CNTN4: variants seen among roughly 807,000 people sequenced by gnomAD.
CNTN4 encodes contactin 4.
In CNTN4, 77 loss-of-function variants were observed where a neutral mutation model predicts 122.5. The observed-to-expected ratio is 0.63, with a 90% CI of 0.52 to 0.76. The LOEUF (loss-of-function observed/expected upper bound fraction) is 0.76. Ranked by LOEUF, CNTN4 falls within the 30% of genes least tolerant of loss-of-function variation. CNTN4 has a pLI of 0.00. For synonymous variants in CNTN4, 512 were observed against 447.0 expected (o/e 1.15, Z -1.83); for missense variants, 1,256 against 1,259.1 (o/e 1.00, Z 0.04).
intron 6 of CNTN4, among the ~76,000 whole-genome samples, chr3:2,783,120 T>G (rs2091673028): frequency 8.3e-6 from 1 of 120,642 alleles, no homozygotes; most frequent in African/African-American, 3.2e-5. Context: ...CTCTACTAAT[T>G]TTTTTTTTTT....
At chr3:2,312,307 C>A (rs538821518) in intron 2 of CNTN4, among the ~76,000 whole-genome samples, 1 of 152,012 alleles carries the variant, frequency 6.6e-6, no homozygotes, top group Non-Finnish European at 1.5e-5. Flanking sequence ...GTGGAGATTT[C>A]AGAAATGTTT....
intron 4 of CNTN4, among the ~76,000 whole-genome samples, chr3:2,685,944 T>TTTTTG (rs1436895644): frequency 6.6e-6 from 1 of 152,172 alleles, no homozygotes; most frequent in Non-Finnish European, 1.5e-5. Context: ...ACTAAACTGA[T>TTTTTG]TTTTGTTTGG....
chr3:2,918,559 C>A (rs1448048097), intron 12 of CNTN4, among the ~76,000 whole-genome samples: 1 of 152,168 alleles, frequency 6.6e-6, no homozygotes, highest in African/African-American at 2.4e-5. Context: ...CTCAACCCAG[C>A]GTTCAGTGAC....
At chr3:2,789,010 T>G (rs2091925055) in intron 6 of CNTN4, among the ~76,000 whole-genome samples, 1 of 152,226 alleles carries the variant, frequency 6.6e-6, no homozygotes, top group Non-Finnish European at 1.5e-5. Context: ...TTCCCCTGTA[T>G]TTTATTTTCT....
chr3:2,294,801 A>G (rs1238400699), intron 2 of CNTN4, among the ~76,000 whole-genome samples: 3 of 152,154 alleles, frequency 2.0e-5, no homozygotes, highest in South Asian at 2.1e-4. Context: ...AGCATTAGGT[A>G]TATCTCCTAA....
At chr3:2,734,553 C>T (rs1436976674) in intron 4 of CNTN4, among the ~76,000 whole-genome samples, 9 of 152,000 alleles carry the variant, frequency 5.9e-5, no homozygotes, top group Non-Finnish European at 1.0e-4. Context: ...ACAACAAGAT[C>T]GTGGGCCGTC....
chr3:2,716,333 T>C (rs976897131), intron 4 of CNTN4, among the ~76,000 whole-genome samples: 13 of 151,214 alleles, frequency 8.6e-5, no homozygotes, highest in Non-Finnish European at 8.8e-5. Context: ...ATGATATATC[T>C]AATATTATTA....
intron 3 of CNTN4, among the ~76,000 whole-genome samples, chr3:2,567,636 A>G (rs2079231391): frequency 6.6e-6 from 1 of 152,184 alleles, no homozygotes; most frequent in Non-Finnish European, 1.5e-5. Context: ...GATGGACCAC[A>G]CAGCTGGAGA....
At chr3:3,045,726 C>T (rs1281768626) in intron 23 of CNTN4, among the ~76,000 whole-genome samples, 1 of 152,218 alleles carries the variant, frequency 6.6e-6, no homozygotes, top group Non-Finnish European at 1.5e-5. Flanking sequence ...GAGCACCTCT[C>T]CTCCTCCAAA....
At chr3:2,849,723 GA>G (rs1322701383) in intron 7 of CNTN4, among the ~76,000 whole-genome samples, 1 of 152,222 alleles carries the variant, frequency 6.6e-6, no homozygotes, top group Non-Finnish European at 1.5e-5. Flanking sequence ...CGTGATATAT[GA>G]AAAGGGTTCA....
chr3:2,310,344 C>G (rs1015785358), intron 2 of CNTN4, among the ~76,000 whole-genome samples: 5 of 152,154 alleles, frequency 3.3e-5, no homozygotes, highest in Non-Finnish European at 5.9e-5. Context: ...ATGACTGACA[C>G]TGTGGAGCTA....
chr3:3,009,462 C>G (rs1181024327), intron 14 of CNTN4, among the ~76,000 whole-genome samples: 3 of 151,204 alleles, frequency 2.0e-5, no homozygotes, highest in Admixed American at 2.0e-4. Context: ...GAGATGGAGT[C>G]TTGCTCTGTC....
At chr3:2,123,142 T>C (rs2033907665) in intron 2 of CNTN4, among the ~76,000 whole-genome samples, 1 of 152,210 alleles carries the variant, frequency 6.6e-6, no homozygotes, top group Admixed American at 6.5e-5. Context: ...TTATGGTAAA[T>C]TATAGCTCTT....
intron 2 of CNTN4, among the ~76,000 whole-genome samples, chr3:2,121,082 C>T (rs76760711): frequency 7.4e-6 from 1 of 135,368 alleles, no homozygotes; most frequent in Non-Finnish European, 1.7e-5. Flanking sequence ...CTTCCTCCCT[C>T]CCTTCCTTCC....
At chr3:2,881,231 G>A (rs772272508) in intron 8 of CNTN4, among the ~76,000 whole-genome samples, 1 of 152,158 alleles carries the variant, frequency 6.6e-6, no homozygotes, top group African/African-American at 2.4e-5. Context: ...GGGTCACCTC[G>A]GTGGGGTGCG....
Position 2,853,611 on chromosome 3 carries a change from G to A in CNTN4, c.455-13141G>A, listed in dbSNP as rs565286010. On this transcript the variant is annotated intron_variant, in intron 7 of 24. Transcript: ENST00000418658. ...ATTTCTTCTGAGTAGATTTTCTTGA[G>A]GAATTCAACCACCACATGTACTCAC... 5.8e-4 allele frequency among the ~76,000 whole-genome samples: 88 copies of A among 152,162 alleles called. 1 individual carries two copies. In the South Asian group the frequency reaches 0.013, roughly 23 times the overall value.
intron 4 of CNTN4, among the ~76,000 whole-genome samples, chr3:2,683,382 C>T (rs1323443559): frequency 3.3e-5 from 5 of 151,794 alleles, no homozygotes; most frequent in East Asian, 1.9e-4. Context: ...CAGCTTTTAT[C>T]GAAAGTTTTG....
At position 2,385,118 on chromosome 3, in the gene CNTN4, TA is replaced by T. The variant is rs2046197478; in HGVS notation, c.-89+45889del. 6.6e-6 allele frequency among the ~76,000 whole-genome samples: 1 copy of T among 152,174 alleles called. No homozygotes were observed. Among genetic ancestry groups the T allele is most frequent in the Non-Finnish European group, 1.5e-5 (1 of 68,032 alleles). On this transcript the variant is annotated intron_variant, in intron 3 of 24. Coordinates refer to ENST00000418658, the MANE Select transcript of CNTN4 (RefSeq NM_175607.3). The surrounding 1 kb of genome is among the most constrained non-coding windows in gnomAD (Gnocchi z 4.0). Reference sequence around the variant, plus strand: ...CATTGCTGATATCAGAGTGACCTGTTAAAAGTATAAACATATCATTTTCTAC... The same window carrying T: ...CATTGCTGATATCAGAGTGACCTGTTAAAGTATAAACATATCATTTTCTAC...
chr3:2,451,635 T>A (rs1489279400), intron 3 of CNTN4, among the ~76,000 whole-genome samples: 2 of 152,110 alleles, frequency 1.3e-5, no homozygotes. Flanking sequence ...AATGTAGTTA[T>A]CCTCACGATA....
Sources: allele counts gnomAD v4.1 joint callset (sites outside exome capture counted in the v4.1 genomes callset), GRCh38; gene constraint gnomAD v4.1.1; non-coding constraint Gnocchi (gnomAD v3.1); transcripts MANE v1.5; gene names NCBI Gene and HGNC (gene_info 2026-07-23, HGNC 2026-07-21).